MAP3K7: variants seen among roughly 807,000 people sequenced by gnomAD.
MAP3K7 encodes the protein TGF-beta activated kinase 1.
A neutral mutation model predicts 84.8 loss-of-function variants in MAP3K7; 21 were observed. The ratio of observed to expected loss-of-function variants is 0.25; its 90% CI spans 0.18 to 0.36. MAP3K7 has a LOEUF of 0.36. Ranked by LOEUF, MAP3K7 falls within the 10% of genes least tolerant of loss-of-function variation. MAP3K7 has a pLI of 1.00. For synonymous variants in MAP3K7, 241 were observed against 247.7 expected, an observed-to-expected ratio of 0.97 and a Z score of 0.25; for missense variants, 503 against 747.7, an observed-to-expected ratio of 0.67 and a Z score of 3.82.
chr6:90,570,354 T>A (rs901198743), intron 2 of MAP3K7, among the ~76,000 whole-genome samples: 1 of 152,084 alleles, frequency 6.6e-6, no homozygotes, highest in African/African-American at 2.4e-5. Context: ...TCCAAAAGGT[T>A]GGGGAGTGGC....
intron 14 of MAP3K7, among the ~76,000 whole-genome samples, chr6:90,519,544 T>C (rs1775080941): frequency 6.6e-6 from 1 of 151,994 alleles, no homozygotes; most frequent in African/African-American, 2.4e-5. Flanking sequence ...ACCTATAATT[T>C]AAGTTGGCTA....
chr6:90,542,473 G>C, intron 12 of MAP3K7: 1 of 985,172 alleles, frequency 1.0e-6, no homozygotes. Flanking sequence ...ATTCCATAAA[G>C]GCCCAATGTC....
chr6:90,576,419 T>C lies in MAP3K7; in HGVS notation c.121-4612A>G, dbSNP rs1426524479. 2.2e-5 allele frequency among the ~76,000 whole-genome samples: 3 copies of C among 136,956 alleles called. No homozygotes were observed. In the South Asian group the frequency reaches 7.4e-4, roughly 34 times the overall value. 89.8% of individuals were successfully genotyped at this position (136,956 alleles called of 152,430 possible). ...GCCTGGGCAACAGAGCTAGACTCTG[T>C]CACACACACACACACACACACACAC... On this transcript the variant is annotated intron_variant, in intron 1 of 16. Transcript: ENST00000369329.
In MAP3K7 at chr6:90,587,048, C is replaced by A; in HGVS notation, c.-165G>T. 1.3e-6 allele frequency: 1 copy of A among 795,418 alleles called. No individual in the cohort carries two copies. The highest frequency in any genetic ancestry group is 3.5e-5 in the East Asian group (1 of 28,852). The allele number at this position is 795,418 out of a possible 1,614,324, so 49.3% of individuals were successfully genotyped here. On this transcript the variant is annotated 5_prime_UTR_variant, in exon 1 of 17. Coordinates refer to ENST00000369329, the MANE Select transcript of MAP3K7 (RefSeq NM_145331.3). ...AGGCAGCGGCCACAGCCGTGTCCGG[C>A]TCTGGCTCCGCTGCGTTTTCCGCCG...
intron 12 of MAP3K7, among the ~76,000 whole-genome samples, chr6:90,537,569 A>C (rs1775720819): frequency 6.6e-6 from 1 of 152,028 alleles, no homozygotes; most frequent in African/African-American, 2.4e-5. Flanking sequence ...CTCCTCTTGC[A>C]AATGTAAGAC....
chr6:90,554,903 C>T (rs1270093793), intron 6 of MAP3K7, among the ~76,000 whole-genome samples: 1 of 152,174 alleles, frequency 6.6e-6, no homozygotes, highest in African/African-American at 2.4e-5. Flanking sequence ...AAAAGAGCTC[C>T]ACTCAGGTGA....
At chr6:90,561,089 T>C (rs1056617571) in intron 4 of MAP3K7, among the ~76,000 whole-genome samples, 1 of 152,180 alleles carries the variant, frequency 6.6e-6, no homozygotes. Flanking sequence ...ATTTGTTTTA[T>C]ATAACTGGTG....
intron 16 of MAP3K7, among the ~76,000 whole-genome samples, 177 bp downstream of exon 16, chr6:90,518,266 TGATA>T (rs1416078911): frequency 1.3e-5 from 2 of 151,712 alleles, no homozygotes; most frequent in Non-Finnish European, 3.0e-5. Context: ...AGCACTAATA[TGATA>T]GTCAAAAGGA....
chr6:90,567,216 A>G (rs891178116), intron 3 of MAP3K7, among the ~76,000 whole-genome samples: 5 of 152,236 alleles, frequency 3.3e-5, no homozygotes. Flanking sequence ...GACAAATGGG[A>G]TCTAATTAAA....
chr6:90,542,585 A>G, intron 12 of MAP3K7: 1 of 677,812 alleles, frequency 1.5e-6, no homozygotes, highest in Non-Finnish European at 1.8e-6. Context: ...CAAAAGAACA[A>G]AAAATGGATG....
chr6:90,520,275 T>C (rs1226291903), intron 14 of MAP3K7, among the ~76,000 whole-genome samples: 6 of 152,110 alleles, frequency 3.9e-5, no homozygotes, highest in Non-Finnish European at 7.4e-5. Flanking sequence ...TAAAGGCAAG[T>C]CAGGAAGACA....
chr6:90,524,770 T>C (rs1775265538), intron 13 of MAP3K7, among the ~76,000 whole-genome samples: 1 of 152,100 alleles, frequency 6.6e-6, no homozygotes, highest in Admixed American at 6.6e-5. Context: ...ACAGAAACAG[T>C]GAATTTATAG....
chr6:90,548,380 A>C (rs747625741), intron 9 of MAP3K7, among the ~76,000 whole-genome samples: 6 of 152,186 alleles, frequency 3.9e-5, no homozygotes, highest in Non-Finnish European at 8.8e-5. Flanking sequence ...AAGATGCCTA[A>C]ATAGTCTTCT....
chr6:90,548,181 G>T lies in MAP3K7; in HGVS notation c.950-4C>A. ...GAAGCAATGTCCATGAATGAGCCTA[G>T]GAAAAGCAGAAACATTTATGACTAA... On this transcript the variant is annotated splice_region_variant and splice_polypyrimidine_tract_variant and intron_variant, in intron 9 of 16. Transcript: ENST00000369329. 6.2e-7 allele frequency: 1 copy of T among 1,600,862 alleles called. No individual in the cohort carries two copies. Among genetic ancestry groups the T allele is most frequent in the Non-Finnish European group, 8.5e-7 (1 of 1,174,462 alleles).
rs1776909088 is a variant in MAP3K7 at position 90,571,690 on chromosome 6, A to C, written c.231+7T>G. 8.5e-6 allele frequency: 13 copies of C among 1,525,590 alleles called. No individual in the cohort carries two copies. The highest frequency in any genetic ancestry group is 1.1e-5 in the Non-Finnish European group (12 of 1,117,822). The allele number at this position is 1,525,590 out of a possible 1,614,324, so 94.5% of individuals were successfully genotyped here. A position where few individuals can be genotyped will look rare whatever the true frequency, so the allele number is the denominator to read the frequency against. On this transcript the variant is annotated splice_region_variant and intron_variant, in intron 2 of 16. Coordinates refer to ENST00000369329, the MANE Select transcript of MAP3K7 (RefSeq NM_145331.3). ...AACTACACAAAAGAAATGAAATCTC[A>C]ACTTACCTCTACAATAAACGCTTTC...
intron 1 of MAP3K7, among the ~76,000 whole-genome samples, chr6:90,586,492 A>G (rs1053529818): frequency 6.6e-6 from 1 of 152,050 alleles, no homozygotes; most frequent in Admixed American, 6.5e-5. Context: ...GGACCACACT[A>G]TCTCACCAGT....
intron 1 of MAP3K7, among the ~76,000 whole-genome samples, chr6:90,585,030 C>T (rs1777397074): frequency 6.6e-6 from 1 of 152,180 alleles, no homozygotes; most frequent in Non-Finnish European, 1.5e-5. Flanking sequence ...CACATTTCCT[C>T]TCTGGAACTA....
At chr6:90,546,374 T>G (rs530551756) in intron 11 of MAP3K7, among the ~76,000 whole-genome samples, 1 of 152,288 alleles carries the variant, frequency 6.6e-6, no homozygotes, top group Admixed American at 6.5e-5. Flanking sequence ...AATATATACA[T>G]TTATACACAT....
intron 13 of MAP3K7, among the ~76,000 whole-genome samples, chr6:90,534,768 G>A (rs1446014247): frequency 6.6e-6 from 1 of 152,140 alleles, no homozygotes; most frequent in Non-Finnish European, 1.5e-5. Context: ...AGCTGCTCCT[G>A]ACATGTCTTA....
Sources: gnomAD v4.1 joint callset for allele counts (sites outside exome capture counted in the v4.1 genomes callset) on GRCh38, gnomAD v4.1.1 for gene constraint, MANE v1.5 for transcripts, NCBI Gene and HGNC (gene_info 2026-07-23, HGNC 2026-07-21) for gene names.